Variants in RPP30 observed in about 807,000 individuals in gnomAD.
RPP30 encodes ribonuclease P/MRP subunit p30.
In RPP30, 36 loss-of-function variants were observed where a neutral mutation model predicts 38.6. The ratio of observed to expected loss-of-function variants is 0.93; its 90% CI spans 0.71 to 1.23. The LOEUF (loss-of-function observed/expected upper bound fraction) is 1.23. Among genes scored for constraint, RPP30 ranks in the 50% most tolerant of loss-of-function variants. RPP30 has a pLI of 0.00. For synonymous variants in RPP30, 126 were observed against 112.7 expected, an observed-to-expected ratio of 1.12 and a Z score of -0.75; for missense variants, 321 against 321.7, an observed-to-expected ratio of 1.00 and a Z score of 0.02.
intron 6 of RPP30, among the ~76,000 whole-genome samples, chr10:90,890,234 G>A (rs1261319313): frequency 6.6e-6 from 1 of 152,186 alleles, no homozygotes; most frequent in African/African-American, 2.4e-5. Context: ...TAAGCACAGA[G>A]TAATTTCATA....
chr10:90,896,461 AT>A, intron 10 of RPP30, 69 bp downstream of exon 10: 3 of 1,217,198 alleles, frequency 2.5e-6, no homozygotes, highest in Non-Finnish European at 3.7e-6. Flanking sequence ...AGCCATACCT[AT>A]TTTTATTGCC....
At chr10:90,907,178 G>T (rs1847262709), downstream of RPP30, among the ~76,000 whole-genome samples, 1 of 152,174 alleles carries the variant, frequency 6.6e-6, no homozygotes, top group South Asian at 2.1e-4. Context: ...AAGAAAAGTT[G>T]GTCACATGGT....
At chr10:90,872,986 G>C (rs926635914) in intron 1 of RPP30, among the ~76,000 whole-genome samples, 1 of 152,164 alleles carries the variant, frequency 6.6e-6, no homozygotes, top group Admixed American at 6.5e-5. Flanking sequence ...GGGCCATTTG[G>C]CGCTAATGTT....
intron 1 of RPP30, among the ~76,000 whole-genome samples, chr10:90,873,119 A>G (rs1318600102): frequency 3.3e-5 from 5 of 152,192 alleles, no homozygotes; most frequent in African/African-American, 9.7e-5. Context: ...GAGAATTGCC[A>G]TGTCTTATCC....
At chr10:90,898,737 A>G (rs1847170861) in intron 10 of RPP30, among the ~76,000 whole-genome samples, 4 of 152,226 alleles carry the variant, frequency 2.6e-5, no homozygotes, top group South Asian at 4.1e-4. Context: ...TGCCACAGGA[A>G]ATCAGAATTA....
intron 6 of RPP30, among the ~76,000 whole-genome samples, chr10:90,887,743 G>T (rs1036398138): frequency 6.6e-6 from 1 of 152,104 alleles, no homozygotes; most frequent in African/African-American, 2.4e-5. Context: ...TCAAATCATT[G>T]GTTCCTTGTG....
At position 90,901,500 on chromosome 10, in the gene RPP30, T is replaced by G; in HGVS notation, c.*821T>G. On this transcript the variant is annotated 3_prime_UTR_variant, in exon 11 of 11. Transcript: ENST00000371703. ...CACATGTAAAATTACATCTGGTCTC[T>G]TCCTTCACTGCTTCATGCCTACGTA... is the stretch of plus-strand genomic sequence containing the variant. The G allele has an allele frequency of 4.1e-6, 4 of 984,984 alleles. No individual in the cohort carries two copies. Among genetic ancestry groups the G allele is most frequent in the Non-Finnish European group, 4.8e-6 (4 of 829,528 alleles). 61.0% of individuals were successfully genotyped at this position (984,984 alleles called of 1,614,324 possible).
At chr10:90,884,168 G>GCC in intron 5 of RPP30, among the ~76,000 whole-genome samples, 1 of 152,132 alleles carries the variant, frequency 6.6e-6, no homozygotes, top group South Asian at 2.1e-4. Context: ...GACTGTCATT[G>GCC]TACTAATGTC....
chr10:90,883,029 C>G (rs551981342), intron 5 of RPP30, among the ~76,000 whole-genome samples: 4 of 152,058 alleles, frequency 2.6e-5, no homozygotes, highest in Non-Finnish European at 5.9e-5. Context: ...GCCTGGTTGT[C>G]TCCATTTTTG....
chr10:90,883,432 T>A lies in RPP30; in HGVS notation c.343-2380T>A, dbSNP rs78647469. On this transcript the variant is annotated intron_variant, in intron 5 of 10. Transcript: ENST00000371703. ...ATCTTCTAAAATGATATAGAAAGCG[T>A]TTCATTGTAGTGTGAACATTAACTT... is the stretch of plus-strand genomic sequence containing the variant. Among the ~76,000 whole-genome samples the A allele has an allele frequency of 4.1e-3, 625 of 152,284 alleles. 5 individuals carry two copies. The highest frequency in any genetic ancestry group is 0.014 in the African/African-American group (597 of 41,550).
intron 6 of RPP30, among the ~76,000 whole-genome samples, chr10:90,893,086 A>G (rs939200063): frequency 6.6e-6 from 1 of 152,220 alleles, no homozygotes; most frequent in African/African-American, 2.4e-5. Flanking sequence ...AAAATGAGAG[A>G]GGGAAAGGTT....
chr10:90,892,806 C>T (rs545121545), intron 6 of RPP30, among the ~76,000 whole-genome samples: 1 of 152,294 alleles, frequency 6.6e-6, no homozygotes, highest in Admixed American at 6.5e-5. Flanking sequence ...TTTGGTTAGC[C>T]AGGTGCACCG....
chr10:90,882,138 G>A (rs1342756619), intron 5 of RPP30, among the ~76,000 whole-genome samples: 1 of 152,134 alleles, frequency 6.6e-6, no homozygotes, highest in Non-Finnish European at 1.5e-5. Context: ...AGCTTCTGGA[G>A]CTTCTGGACC....
intron 10 of RPP30, 61 bp downstream of exon 10, chr10:90,896,453 C>A: frequency 1.5e-6 from 2 of 1,347,974 alleles, no homozygotes; most frequent in Non-Finnish European, 2.1e-6. Context: ...ATTTTTACAG[C>A]CATACCTATT....
intron 4 of RPP30, 106 bp from the exon 5 acceptor site, chr10:90,878,957 T>TA: frequency 1.2e-6 from 1 of 801,450 alleles, no homozygotes; most frequent in Non-Finnish European, 2.0e-6. Context: ...TGTCAGTATA[T>TA]TAGAAGTGTT....
Position 90,896,305 on chromosome 10 carries a change from C to T in RPP30, c.618-8C>T, listed in dbSNP as rs1275232418. The T allele has an allele frequency of 8.1e-6, 13 of 1,613,222 alleles. No homozygotes were observed. The highest frequency in any genetic ancestry group is 8.0e-5 in the African/African-American group (6 of 75,030). On this transcript the variant is annotated splice_polypyrimidine_tract_variant and splice_region_variant and intron_variant, in intron 9 of 10. Transcript: ENST00000371703. ...ACTCTGGGTTGAAATCTTTAATGCT[C>T]CCCCAAGAGGCTTGCTGTTTGGGCT... is the stretch of plus-strand genomic sequence containing the variant.
rs376530866 is a variant in RPP30, at chr10:90,894,780, T to C, written c.438T>C (p.Ile146=). 3.7e-6 allele frequency: 6 copies of C among 1,611,294 alleles called. No individual in the cohort carries two copies. Among genetic ancestry groups the C allele is most frequent in the East Asian group, 2.2e-5 (1 of 44,862 alleles). ...YFKRPPINVA[I]DRGLAFELVY... is the part of the protein sequence containing the mutation. ...TCTCTTTATTTCCTGTGAAGGCGAT[T>C]GACCGAGGCCTGGCTTTTGAACTTG... The change falls in exon 7 of 11, where the codon ATT becomes ATC. Residue 146 remains isoleucine (I), a synonymous_variant. Coordinates refer to ENST00000371703, the MANE Select transcript of RPP30 (RefSeq NM_006413.5).
rs999820353 is a variant in RPP30, at chr10:90,880,162, A to T, written c.342+1028A>T. 4.6e-5 allele frequency: 7 copies of T among 152,100 alleles called. 1 individual carries two copies. Among genetic ancestry groups the T allele is most frequent in the African/African-American group, 1.7e-4 (7 of 41,416 alleles). The allele number at this position is 152,100 out of a possible 1,614,324, so 9.4% of individuals were successfully genotyped here. On this transcript the variant is annotated intron_variant, in intron 5 of 10. Coordinates refer to ENST00000371703, the MANE Select transcript of RPP30 (RefSeq NM_006413.5). ...TGTGAACAGTCAATTAAGATAACTG[A>T]CTACCTTCAGAGCAGCCTGGTCTTT...
At chr10:90,887,094 A>C (rs1452350261) in intron 6 of RPP30, among the ~76,000 whole-genome samples, 1 of 151,990 alleles carries the variant, frequency 6.6e-6, no homozygotes, top group Non-Finnish European at 1.5e-5. Flanking sequence ...CAGCCTCCTG[A>C]GCAATTGGGA....
Sources: gnomAD v4.1 joint callset for allele counts (sites outside exome capture counted in the v4.1 genomes callset) on GRCh38, gnomAD v4.1.1 for gene constraint, MANE v1.5 for transcripts, NCBI Gene and HGNC (gene_info 2026-07-23, HGNC 2026-07-21) for gene names.